Variants in GRIN2A observed in about 807,000 individuals in gnomAD.
GRIN2A encodes the protein glutamate receptor ionotropic, NMDA 2A.
GRIN2A carries 22 observed loss-of-function variants against 113.4 expected under a neutral mutation model. The ratio of observed to expected loss-of-function variants is 0.19; its 90% CI spans 0.14 to 0.28. The LOEUF (loss-of-function observed/expected upper bound fraction) is 0.28. Among genes scored for constraint, GRIN2A ranks in the 10% least tolerant of loss-of-function variants. The pLI, the probability that GRIN2A is intolerant of heterozygous loss-of-function variation, is 1.00. For synonymous variants in GRIN2A, 827 were observed against 738.4 expected, an observed-to-expected ratio of 1.12 and a Z score of -1.94; for missense variants, 1,502 against 1,887.0, an observed-to-expected ratio of 0.80 and a Z score of 3.78.
intron 10 of GRIN2A, among the ~76,000 whole-genome samples, chr16:9,807,972 T>C (rs1006448493): frequency 6.6e-6 from 1 of 152,224 alleles, no homozygotes; most frequent in Non-Finnish European, 1.5e-5. Context: ...TGTATTTTCT[T>C]CACCACAACT....
intron 2 of GRIN2A, among the ~76,000 whole-genome samples, chr16:10,021,120 C>T (rs1194298395): frequency 1.3e-5 from 2 of 152,090 alleles, no homozygotes; most frequent in African/African-American, 4.8e-5. Context: ...AGCAAGCCCA[C>T]AGCCTTTGGA....
chr16:9,919,074 G>A (rs1431831086), intron 3 of GRIN2A, among the ~76,000 whole-genome samples: 5 of 152,108 alleles, frequency 3.3e-5, no homozygotes, highest in South Asian at 2.1e-4. Flanking sequence ...TCAGGAGGCC[G>A]AGGCAGGAGA....
intron 2 of GRIN2A, among the ~76,000 whole-genome samples, chr16:10,090,816 T>C (rs1428375696): frequency 2.0e-5 from 3 of 152,070 alleles, no homozygotes; most frequent in Admixed American, 2.0e-4. Context: ...CAAAAATATA[T>C]AAAGAACTCC....
chr16:9,927,780 T>A (rs1280955088), intron 3 of GRIN2A, among the ~76,000 whole-genome samples: 2 of 152,192 alleles, frequency 1.3e-5, no homozygotes, highest in African/African-American at 4.8e-5. Flanking sequence ...CACCCTCACA[T>A]ACATAATGAT....
intron 2 of GRIN2A, among the ~76,000 whole-genome samples, chr16:10,028,313 G>C (rs539338706): frequency 6.3e-4 from 96 of 152,300 alleles, no homozygotes; most frequent in African/African-American, 2.2e-3. Flanking sequence ...TGGCATAGTA[G>C]GGAAAGAGCA....
chr16:10,004,015 C>CGGCA (rs1248498215), intron 2 of GRIN2A, among the ~76,000 whole-genome samples: 1 of 152,072 alleles, frequency 6.6e-6, no homozygotes, highest in Non-Finnish European at 1.5e-5. Flanking sequence ...CCTGTGTGTG[C>CGGCA]TGCCTCTCAC....
chr16:9,829,402 A>T, intron 9 of GRIN2A, 21 bp downstream of exon 9: 1 of 1,519,544 alleles, frequency 6.6e-7, no homozygotes, highest in Non-Finnish European at 9.1e-7. Flanking sequence ...TCAGATGGAG[A>T]GGAAAGCAAG....
rs1900687910 is a variant in GRIN2A, at chr16:9,763,468, G to A, written c.4076C>T (p.Pro1359Leu). ...EDSKRSKSLL[P>L]DHTSDNPFLH... Reference sequence around the variant, plus strand: ...GAAAGGGTTATCGGAGGTGTGGTCTGGCAAGAGAGACTTGCTCCTCTTGCT... The same window carrying A: ...GAAAGGGTTATCGGAGGTGTGGTCTAGCAAGAGAGACTTGCTCCTCTTGCT... The change falls in exon 13 of 13, where the codon CCA becomes CTA. Residue 1359 changes from proline to leucine, a missense_variant. Pro to Leu is a moderately conservative substitution (Grantham distance 98). This residue lies in a region of GRIN2A where 832 missense variants were observed against 789.7 expected (regional missense o/e 1.05). Transcript: ENST00000330684. The A allele has an allele frequency of 1.1e-5, 18 of 1,613,760 alleles. No individual in the cohort carries two copies. Among genetic ancestry groups the A allele is most frequent in the Non-Finnish European group, 1.4e-5 (17 of 1,179,826 alleles).
At chr16:10,078,604 C>A (rs1249687503) in intron 2 of GRIN2A, among the ~76,000 whole-genome samples, 1 of 152,140 alleles carries the variant, frequency 6.6e-6, no homozygotes, top group Middle Eastern at 3.2e-3. Context: ...TAGTCATGTC[C>A]CCATGGAGAA....
intron 2 of GRIN2A, among the ~76,000 whole-genome samples, chr16:10,149,511 T>A (rs2049522432): frequency 6.6e-6 from 1 of 152,254 alleles, no homozygotes; most frequent in Admixed American, 6.5e-5. Context: ...TTAAAGTTGA[T>A]TAAATAAAAG....
intron 3 of GRIN2A, among the ~76,000 whole-genome samples, chr16:9,931,787 G>A (rs2044600256): frequency 6.6e-6 from 1 of 152,170 alleles, no homozygotes; most frequent in Non-Finnish European, 1.5e-5. Flanking sequence ...GTAAACGTGT[G>A]CACATGTGTG....
intron 10 of GRIN2A, among the ~76,000 whole-genome samples, chr16:9,811,403 G>T (rs923634228): frequency 2.6e-5 from 4 of 152,180 alleles, no homozygotes; most frequent in Non-Finnish European, 5.9e-5. Context: ...TTATCTGGCA[G>T]AGTTGAATCA....
intron 3 of GRIN2A, among the ~76,000 whole-genome samples, chr16:9,919,101 AG>A: frequency 1.3e-5 from 2 of 152,188 alleles, no homozygotes; most frequent in Non-Finnish European, 2.9e-5. Flanking sequence ...TGAACCCGGG[AG>A]GCGGAGGTTG....
In GRIN2A at chr16:9,756,019, C is replaced by A. The variant is rs1389331387; in HGVS notation, c.*7130G>T. The A allele has an allele frequency of 4.5e-6, 1 of 221,382 alleles. No homozygotes were observed. The highest frequency in any genetic ancestry group is 9.1e-6 in the Non-Finnish European group (1 of 110,420). The allele number at this position is 221,382 out of a possible 1,614,324, so 13.7% of individuals were successfully genotyped here. A position where few individuals can be genotyped will look rare whatever the true frequency, so the allele number is the denominator to read the frequency against. ...CATTCCATCTGCCTGGCAAAGATAA[C>A]CAAACATAGACATGAAATAGGAGGA... On this transcript the variant is annotated 3_prime_UTR_variant, in exon 13 of 13. Transcript: ENST00000330684.
chr16:10,173,557 TC>T (rs1359779222), intron 2 of GRIN2A, among the ~76,000 whole-genome samples: 1 of 152,220 alleles, frequency 6.6e-6, no homozygotes, highest in Non-Finnish European at 1.5e-5. Context: ...TGTGATATGT[TC>T]ATCCGGAAGC....
chr16:10,034,590 CT>C (rs2046991493), intron 2 of GRIN2A, among the ~76,000 whole-genome samples: 1 of 137,700 alleles, frequency 7.3e-6, no homozygotes, highest in African/African-American at 2.7e-5. Flanking sequence ...TGGAGCCACA[CT>C]TTGAGAAGGA....
At chr16:9,955,078 G>A (rs553243600) in intron 2 of GRIN2A, among the ~76,000 whole-genome samples, 1 of 152,200 alleles carries the variant, frequency 6.6e-6, no homozygotes, top group Admixed American at 6.5e-5. Context: ...AATCCTTGCA[G>A]CCATTTGCCT....
intron 2 of GRIN2A, among the ~76,000 whole-genome samples, chr16:10,016,412 G>C (rs1386519517): frequency 6.6e-6 from 1 of 151,972 alleles, no homozygotes; most frequent in Non-Finnish European, 1.5e-5. Context: ...ACACATGCAT[G>C]GGAAAGAAAA....
chr16:9,884,855 T>C (rs1159247068), intron 4 of GRIN2A, among the ~76,000 whole-genome samples: 2 of 150,938 alleles, frequency 1.3e-5, no homozygotes, highest in Non-Finnish European at 2.9e-5. Context: ...GTTCACGCCA[T>C]TCTCCTGCCT....
Sources: allele counts gnomAD v4.1 joint callset (sites outside exome capture counted in the v4.1 genomes callset), GRCh38; gene constraint gnomAD v4.1.1; regional missense constraint gnomAD v4.1.1; transcripts MANE v1.5; gene names NCBI Gene and HGNC (gene_info 2026-07-23, HGNC 2026-07-21).